The following SRRM3 variants were observed in gnomAD, a reference collection of about 807,000 sequenced individuals.
SRRM3 encodes serine/arginine repetitive matrix 3, also known as serine/arginine repetitive matrix protein 3.
A neutral mutation model predicts 66.2 loss-of-function variants in SRRM3; 27 were observed. That is an observed-to-expected ratio of 0.41 (90% CI 0.30 to 0.56). SRRM3 has a LOEUF of 0.56. Among genes scored for constraint, SRRM3 ranks in the 20% least tolerant of loss-of-function variants. SRRM3 has a pLI of 0.32. For missense variants in SRRM3, 918 were observed against 991.9 expected (o/e 0.93, Z 1.00); for synonymous variants, 391 against 414.9 (o/e 0.94, Z 0.70).
At chr7:76,252,407 C>T (rs568960719) in intron 3 of SRRM3, among the ~76,000 whole-genome samples, 11 of 152,146 alleles carry the variant, frequency 7.2e-5, no homozygotes, top group African/African-American at 2.2e-4. Context: ...CTGTAACCTA[C>T]GCTTCCCGGG....
rs1554611941 is a variant in SRRM3, at chr7:76,281,756, G to A, written c.1324G>A (p.Gly442Arg). ...CAGCGGCCGCGGCGCCCCCGGCCCC[G>A]GGCCCGAGCCCGGCTCTGAGCGAGG... ...SGSGRGAPGP[G>R]PEPGSERGHG... Residue 442 changes from glycine to arginine, a missense_variant, in exon 12 of 15, where the codon GGG becomes AGG. Physicochemically the swap from Gly to Arg is moderately radical, Grantham distance 125. Transcript: ENST00000611745. 1 of 1,366,376 alleles carries A rather than the reference G, an allele frequency of 7.3e-7. No individual in the cohort carries two copies. 84.6% of individuals were successfully genotyped at this position (1,366,376 alleles called of 1,614,324 possible).
intron 1 of SRRM3, among the ~76,000 whole-genome samples, chr7:76,219,911 AAAACAAAC>A (rs376343762): frequency 2.0e-5 from 3 of 152,106 alleles, no homozygotes; most frequent in South Asian, 2.1e-4. Context: ...TACTGTCTCA[AAAACAAAC>A]AAACAAACAA....
At chr7:76,209,345 T>A (rs1800375498) in intron 1 of SRRM3, among the ~76,000 whole-genome samples, 1 of 152,090 alleles carries the variant, frequency 6.6e-6, no homozygotes, top group Admixed American at 6.6e-5. Flanking sequence ...AACTAAGTCG[T>A]CCAAAGTGAT....
intron 1 of SRRM3, among the ~76,000 whole-genome samples, chr7:76,219,095 G>A (rs1554602927): frequency 1.3e-5 from 2 of 152,162 alleles, no homozygotes; most frequent in African/African-American, 4.8e-5. Flanking sequence ...TGATCCACCT[G>A]CCTCAGCCTC....
At chr7:76,206,782 T>C (rs1554601201) in intron 1 of SRRM3, among the ~76,000 whole-genome samples, 2 of 152,070 alleles carry the variant, frequency 1.3e-5, no homozygotes, top group Admixed American at 6.5e-5. Context: ...TCTGCAGCGC[T>C]GCTTCCTCGG....
chr7:76,267,177 A>AG, intron 10 of SRRM3, 81 bp from the exon 11 acceptor site: 1 of 1,266,266 alleles, frequency 7.9e-7, no homozygotes, highest in Non-Finnish European at 1.0e-6. Flanking sequence ...GTGCTGGGGA[A>AG]GGGGGAAAGA....
chr7:76,265,863 T>TTAA (rs1563634723), intron 10 of SRRM3, among the ~76,000 whole-genome samples: 2 of 20,728 alleles, frequency 9.6e-5, no homozygotes, highest in Non-Finnish European at 1.3e-4. Flanking sequence ...TATATATTTT[T>TTAA]TTTTTTTTTT....
intron 1 of SRRM3, among the ~76,000 whole-genome samples, chr7:76,220,508 G>T (rs1391994951): frequency 1.3e-5 from 2 of 152,174 alleles, no homozygotes; most frequent in Non-Finnish European, 2.9e-5. Context: ...CCTGTGGTCT[G>T]CAGGCTCGCC....
chr7:76,202,579 G>A (rs992004097), intron 1 of SRRM3, among the ~76,000 whole-genome samples: 2 of 152,172 alleles, frequency 1.3e-5, no homozygotes, highest in South Asian at 4.1e-4. Context: ...GGAGAACTGG[G>A]TCTCACAGGA....
chr7:76,285,840 C>T lies in SRRM3; in HGVS notation c.1959C>T (p.Phe653=). 1 of 1,548,794 alleles carries T rather than the reference C, an allele frequency of 6.5e-7. No homozygotes were observed. Among genetic ancestry groups the T allele is most frequent in the Non-Finnish European group, 8.7e-7 (1 of 1,145,796 alleles). Residue 653 remains phenylalanine (F), a synonymous_variant, in exon 15 of 15, where the codon TTC becomes TTT. Coordinates refer to ENST00000611745, the MANE Select transcript of SRRM3 (RefSeq NM_001110199.3). This position sits in a 1 kb window ranked among gnomAD's most constrained non-coding sequence, Gnocchi z 4.1. ...HSRSSSESGG[F] ...GGAGCAGCTCTGAGAGCGGGGGCTT[C>T]TGAGCCCAGACAGACTCAGCTTGGT...
chr7:76,261,773 G>A (rs557316782), intron 8 of SRRM3, among the ~76,000 whole-genome samples, 192 bp downstream of exon 8: 3 of 152,034 alleles, frequency 2.0e-5, no homozygotes, highest in South Asian at 2.1e-4. Flanking sequence ...TGCAACCCTT[G>A]CCTGCCCCAT....
chr7:76,273,088 CCTCT>C (rs1301958413), intron 11 of SRRM3: 1 of 152,498 alleles, frequency 6.6e-6, no homozygotes, highest in African/African-American at 2.4e-5. Context: ...TCTCTTCCTG[CCTCT>C]CTGTTTCTGT....
intron 1 of SRRM3, among the ~76,000 whole-genome samples, chr7:76,215,399 T>TTG (rs1274611256): frequency 7.0e-6 from 1 of 143,096 alleles, no homozygotes; most frequent in Non-Finnish European, 1.5e-5. Flanking sequence ...CCGCAGTTTT[T>TTG]TTTTTTTTTT....
intron 3 of SRRM3, among the ~76,000 whole-genome samples, chr7:76,254,514 C>T (rs985293722): frequency 6.6e-6 from 1 of 152,178 alleles, no homozygotes; most frequent in Non-Finnish European, 1.5e-5. Context: ...GATGGGGTTT[C>T]ACCATGTTGG....
chr7:76,218,674 C>CTTTTTTTTTTTTT (rs11349335), intron 1 of SRRM3, among the ~76,000 whole-genome samples: 2 of 76,278 alleles, frequency 2.6e-5, no homozygotes, highest in Admixed American at 2.1e-4. Context: ...GCTTTCTTTT[C>CTTTTTTTTTTTTT]TTTTTTTTTT....
intron 11 of SRRM3, among the ~76,000 whole-genome samples, chr7:76,280,102 T>G (rs1219047303): frequency 2.1e-5 from 3 of 145,008 alleles, no homozygotes; most frequent in South Asian, 2.1e-4. Flanking sequence ...AAGAGGGACT[T>G]AAAAATCAGA....
In SRRM3 at chr7:76,286,292, A is replaced by C. The variant is rs1204267082; in HGVS notation, c.*449A>C. On this transcript the variant is annotated 3_prime_UTR_variant, in exon 15 of 15. Coordinates refer to ENST00000611745, the MANE Select transcript of SRRM3 (RefSeq NM_001110199.3). Reference sequence around the variant, plus strand: ...TCTTCCGCACTACACAGCTCCCTCCACTCCTCTCTTATCACTGGGCAGACG... The same window carrying C: ...TCTTCCGCACTACACAGCTCCCTCCCCTCCTCTCTTATCACTGGGCAGACG... 5.3e-6 allele frequency: 1 copy of C among 188,380 alleles called. No homozygotes were observed. The highest frequency in any genetic ancestry group is 1.2e-5 in the Non-Finnish European group (1 of 84,352). 11.7% of individuals were successfully genotyped at this position (188,380 alleles called of 1,614,324 possible).
At chr7:76,236,560 G>C (rs1286585374) in intron 2 of SRRM3, among the ~76,000 whole-genome samples, 2 of 152,140 alleles carry the variant, frequency 1.3e-5, no homozygotes, top group African/African-American at 4.8e-5. Context: ...CTTAGACAGG[G>C]GCCACCATCT....
intron 14 of SRRM3, chr7:76,283,763 C>G: frequency 1.2e-5 from 12 of 985,124 alleles, no homozygotes; most frequent in Non-Finnish European, 1.4e-5. Flanking sequence ...GGGCTGTGCC[C>G]AGGGCGTGGC....
Sources: allele counts gnomAD v4.1 joint callset (sites outside exome capture counted in the v4.1 genomes callset), GRCh38; gene constraint gnomAD v4.1.1; non-coding constraint Gnocchi (gnomAD v3.1); transcripts MANE v1.5; gene names NCBI Gene and HGNC (gene_info 2026-07-23, HGNC 2026-07-21).